Variants in WASL observed in about 807,000 individuals in gnomAD.
WASL encodes the protein WASP like actin nucleation promoting factor, also known as actin nucleation-promoting factor WASL.
WASL carries 20 observed loss-of-function variants against 55.5 expected under a neutral mutation model. The ratio of observed to expected loss-of-function variants is 0.36; its 90% CI spans 0.25 to 0.52. The LOEUF (loss-of-function observed/expected upper bound fraction) is 0.52. WASL is among the 20% of genes least tolerant of loss of function. WASL has a pLI of 0.92. For synonymous variants in WASL, 249 were observed against 217.6 expected (o/e 1.14, Z -1.27); for missense variants, 504 against 622.5 (o/e 0.81, Z 2.03).
At chr7:123,725,594 T>C (rs1335362219) in intron 1 of WASL, among the ~76,000 whole-genome samples, 1 of 152,148 alleles carries the variant, frequency 6.6e-6, no homozygotes, top group Non-Finnish European at 1.5e-5. Context: ...CTAGAACTGA[T>C]ACTTGTATCA....
At chr7:123,716,467 C>T (rs559596032) in intron 1 of WASL, among the ~76,000 whole-genome samples, 2 of 151,884 alleles carry the variant, frequency 1.3e-5, no homozygotes, top group African/African-American at 4.8e-5. Flanking sequence ...ATCTGCTTGA[C>T]GATTGCTTGA....
intron 9 of WASL, among the ~76,000 whole-genome samples, chr7:123,691,418 G>T (rs532076169): frequency 6.6e-6 from 1 of 152,168 alleles, no homozygotes; most frequent in African/African-American, 2.4e-5. Flanking sequence ...TAAAAATTAA[G>T]CTTGATTTTT....
At chr7:123,715,431 G>A (rs1694385927) in intron 1 of WASL, among the ~76,000 whole-genome samples, 1 of 152,174 alleles carries the variant, frequency 6.6e-6, no homozygotes, top group Non-Finnish European at 1.5e-5. Context: ...TGAGAAATTT[G>A]TTGATACTGC....
intron 1 of WASL, among the ~76,000 whole-genome samples, chr7:123,725,271 T>C (rs999764880): frequency 6.6e-6 from 1 of 152,218 alleles, no homozygotes; most frequent in African/African-American, 2.4e-5. Context: ...GTAAATTTAA[T>C]GTTCTATTAA....
At chr7:123,746,576 G>C (rs1344744243) in intron 1 of WASL, among the ~76,000 whole-genome samples, 2 of 152,310 alleles carry the variant, frequency 1.3e-5, no homozygotes, top group African/African-American at 4.8e-5. Flanking sequence ...ATTGAAATTA[G>C]TATTTGCAAC....
intron 1 of WASL, among the ~76,000 whole-genome samples, chr7:123,719,295 C>CT (rs749173119): frequency 3.1e-4 from 47 of 152,190 alleles, no homozygotes; most frequent in Non-Finnish European, 5.4e-4. Flanking sequence ...ATGGGACTGT[C>CT]TTAGAAGTCA....
At chr7:123,704,478 T>C (rs979725431) in intron 5 of WASL, among the ~76,000 whole-genome samples, 156 bp downstream of exon 5, 3 of 152,292 alleles carry the variant, frequency 2.0e-5, no homozygotes, top group East Asian at 3.9e-4. Context: ...AATTTGATCA[T>C]AGATACTAAA....
chr7:123,721,189 A>G (rs1413415373), intron 1 of WASL, among the ~76,000 whole-genome samples: 1 of 152,238 alleles, frequency 6.6e-6, no homozygotes, highest in Non-Finnish European at 1.5e-5. Flanking sequence ...AAAAATAAGC[A>G]AATTAAAATT....
At chr7:123,734,591 TAAAAAAAAAAAA>T (rs71161498) in intron 1 of WASL, among the ~76,000 whole-genome samples, 2 of 92,362 alleles carry the variant, frequency 2.2e-5, no homozygotes, top group Admixed American at 1.3e-4. Flanking sequence ...ATAGAAAATG[TAAAAAAAAAAAA>T]AAAAAAAAAA....
intron 1 of WASL, among the ~76,000 whole-genome samples, chr7:123,732,189 G>C (rs1272116050): frequency 1.3e-5 from 2 of 152,110 alleles, no homozygotes; most frequent in Non-Finnish European, 2.9e-5. Context: ...AATTAGCCGG[G>C]TGTGGTGGCG....
At chr7:123,700,466 AG>A (rs1803569445) in intron 5 of WASL, among the ~76,000 whole-genome samples, 1 of 149,508 alleles carries the variant, frequency 6.7e-6, no homozygotes, top group Admixed American at 6.6e-5. Flanking sequence ...TTTGAGATGG[AG>A]TCTCACTCTC....
chr7:123,710,013 T>C (rs1803731037), intron 1 of WASL, among the ~76,000 whole-genome samples: 3 of 152,158 alleles, frequency 2.0e-5, no homozygotes, highest in Admixed American at 1.3e-4. Context: ...CTTCAGGGCA[T>C]TAGGATTTTC....
chr7:123,701,406 C>T (rs889450982), intron 5 of WASL, among the ~76,000 whole-genome samples: 1 of 152,116 alleles, frequency 6.6e-6, no homozygotes, highest in African/African-American at 2.4e-5. Context: ...AAAGAAGCCT[C>T]ACCAAGGAAA....
chr7:123,739,127 C>T (rs560169561), intron 1 of WASL, among the ~76,000 whole-genome samples: 1 of 152,296 alleles, frequency 6.6e-6, no homozygotes, highest in African/African-American at 2.4e-5. Context: ...TTCCAATTTT[C>T]TTTCTCCAGA....
intron 1 of WASL, among the ~76,000 whole-genome samples, chr7:123,748,116 C>G (rs935029587): frequency 1.3e-5 from 2 of 152,120 alleles, no homozygotes; most frequent in African/African-American, 4.8e-5. Flanking sequence ...AGCCCAGGCT[C>G]TTGCACTCGA....
chr7:123,745,553 G>A (rs1286435784), intron 1 of WASL, among the ~76,000 whole-genome samples: 1 of 152,086 alleles, frequency 6.6e-6, no homozygotes, highest in Non-Finnish European at 1.5e-5. Flanking sequence ...TTTCCAATGT[G>A]CTCAAGGATT....
intron 1 of WASL, among the ~76,000 whole-genome samples, chr7:123,732,445 T>C (rs1349047509): frequency 2.0e-5 from 3 of 152,206 alleles, no homozygotes; most frequent in African/African-American, 7.2e-5. Flanking sequence ...CTACAAATTT[T>C]AGTAATCTAG....
intron 1 of WASL, among the ~76,000 whole-genome samples, chr7:123,717,245 G>C (rs1803861146): frequency 6.6e-6 from 1 of 152,146 alleles, no homozygotes; most frequent in Non-Finnish European, 1.5e-5. Context: ...TAAGTTGTTT[G>C]TCCTGGGGAA....
At chr7:123,748,458 C>T (rs556153627) in intron 1 of WASL, among the ~76,000 whole-genome samples, 160 bp downstream of exon 1, 2,082 of 151,978 alleles carry the variant, frequency 0.014, 60 homozygotes, top group African/African-American at 0.048. Flanking sequence ...ACCCTGGGAG[C>T]AGGGCGAGGG....
Sources: allele counts gnomAD v4.1 joint callset (sites outside exome capture counted in the v4.1 genomes callset), GRCh38; gene constraint gnomAD v4.1.1; transcripts MANE v1.5; gene names NCBI Gene and HGNC (gene_info 2026-07-23, HGNC 2026-07-21).